The following ACTR3B variants were observed in gnomAD, a reference collection of about 807,000 sequenced individuals.
The protein encoded by ACTR3B is actin related protein 3B, also known as actin-related protein 3B.
A neutral mutation model predicts 59.0 loss-of-function variants in ACTR3B; 8 were observed. That is an observed-to-expected ratio of 0.14 (90% CI 0.08 to 0.24). ACTR3B has a LOEUF of 0.24. ACTR3B is among the 10% of genes least tolerant of loss of function. The pLI is 1.00. For missense variants in ACTR3B, 245 were observed against 552.3 expected (o/e 0.44, Z 5.58); for synonymous variants, 148 against 197.9 (o/e 0.75, Z 2.12).
intron 5 of ACTR3B, among the ~76,000 whole-genome samples, chr7:152,815,495 G>A (rs1364905223): frequency 2.2e-4 from 33 of 152,204 alleles, no homozygotes; most frequent in Non-Finnish European, 4.0e-4. Context: ...AAGTTTACCT[G>A]GAGAATGTTT....
At chr7:152,792,390 ATTTCT>A (rs2098199609) in intron 2 of ACTR3B, among the ~76,000 whole-genome samples, 2 of 150,988 alleles carry the variant, frequency 1.3e-5, no homozygotes, top group African/African-American at 4.9e-5. Context: ...TTCTTTTATC[ATTTCT>A]TTTCTCTTTA....
intron 4 of ACTR3B, among the ~76,000 whole-genome samples, chr7:152,804,807 G>C (rs2098247483): frequency 6.6e-6 from 1 of 152,170 alleles, no homozygotes; most frequent in African/African-American, 2.4e-5. Context: ...TATGGTGTGT[G>C]GAAGCACGCA....
intron 8 of ACTR3B, among the ~76,000 whole-genome samples, chr7:152,823,978 C>T (rs1490797809): frequency 6.6e-6 from 1 of 152,208 alleles, no homozygotes; most frequent in Non-Finnish European, 1.5e-5. Context: ...GGTAAAGCTT[C>T]TGTCTAAGGC....
chr7:152,767,858 G>C (rs1590194261), intron 1 of ACTR3B, among the ~76,000 whole-genome samples: 1 of 152,100 alleles, frequency 6.6e-6, no homozygotes, highest in South Asian at 2.1e-4. Context: ...ATAACGTGCT[G>C]CTTTACAGAA....
At chr7:152,793,851 G>T (rs1256916453) in intron 2 of ACTR3B, among the ~76,000 whole-genome samples, 10 of 150,956 alleles carry the variant, frequency 6.6e-5, no homozygotes, top group Admixed American at 2.0e-4. Flanking sequence ...GGGGAATGGG[G>T]ATACCACTTC....
chr7:152,780,947 C>T lies in ACTR3B; in HGVS notation c.45-2240C>T, dbSNP rs113305873. Among the ~76,000 whole-genome samples, 511 of 149,640 alleles carry T rather than the reference C, an allele frequency of 3.4e-3. 5 individuals are homozygous for T. The highest frequency in any genetic ancestry group is 0.012 in the African/African-American group (475 of 40,700). ...TGCAACCTCGAACTCCTGGGCTTAACGGGTCCTCTTGCCTCAGTCTATTAT... is the reference window on the plus strand; with the variant it reads ...TGCAACCTCGAACTCCTGGGCTTAATGGGTCCTCTTGCCTCAGTCTATTAT... On this transcript the variant is annotated intron_variant, in intron 1 of 11. Coordinates refer to ENST00000256001, the MANE Select transcript of ACTR3B (RefSeq NM_020445.6).
intron 11 of ACTR3B, among the ~76,000 whole-genome samples, chr7:152,853,885 T>G: frequency 6.6e-6 from 1 of 151,614 alleles, no homozygotes; most frequent in East Asian, 1.9e-4. Context: ...CCCGGCTCAT[T>G]TTTTTTTGTT....
intron 9 of ACTR3B, among the ~76,000 whole-genome samples, chr7:152,850,857 G>C (rs529003562): frequency 6.6e-6 from 1 of 152,372 alleles, no homozygotes; most frequent in South Asian, 2.1e-4. Context: ...ACTGGGAGGA[G>C]TGCCTGAAAG....
At chr7:152,783,414 C>A (rs1424095138) in intron 2 of ACTR3B, among the ~76,000 whole-genome samples, 172 bp downstream of exon 2, 7 of 152,146 alleles carry the variant, frequency 4.6e-5, no homozygotes, top group Admixed American at 6.5e-5. Context: ...GATAAAGCCC[C>A]TTGTCACTGT....
intron 9 of ACTR3B, among the ~76,000 whole-genome samples, chr7:152,826,625 C>T (rs1035132505): frequency 4.3e-4 from 66 of 152,244 alleles, no homozygotes; most frequent in Admixed American, 1.5e-3. Flanking sequence ...TGTGTCTCCT[C>T]ATCAGTGAAA....
intron 4 of ACTR3B, among the ~76,000 whole-genome samples, chr7:152,802,897 G>T (rs2098241076): frequency 6.6e-6 from 1 of 152,146 alleles, no homozygotes; most frequent in Non-Finnish European, 1.5e-5. Context: ...ACGAATATAT[G>T]TATTTAATGT....
intron 2 of ACTR3B, among the ~76,000 whole-genome samples, chr7:152,797,651 C>T (rs2098221957): frequency 1.3e-5 from 2 of 152,106 alleles, no homozygotes; most frequent in African/African-American, 2.4e-5. Context: ...ACTGTAGTTA[C>T]GTATTTTTTG....
At chr7:152,766,069 A>G (rs1297695701) in intron 1 of ACTR3B, among the ~76,000 whole-genome samples, 2 of 151,816 alleles carry the variant, frequency 1.3e-5, no homozygotes, top group African/African-American at 2.4e-5. Flanking sequence ...GAAGCTCTTC[A>G]TGTATTAAGG....
chr7:152,795,053 G>A (rs952393048), intron 2 of ACTR3B, among the ~76,000 whole-genome samples: 2 of 68,098 alleles, frequency 2.9e-5, no homozygotes, highest in African/African-American at 5.6e-5. Flanking sequence ...TTTTTTTTTT[G>A]AGATGGAGTC....
At chr7:152,797,304 C>G (rs2098220805) in intron 2 of ACTR3B, among the ~76,000 whole-genome samples, 2 of 152,080 alleles carry the variant, frequency 1.3e-5, no homozygotes, top group African/African-American at 4.8e-5. Flanking sequence ...TGTTCTGAAA[C>G]TCCTGAGCTC....
At chr7:152,850,561 C>T (rs538009639) in intron 9 of ACTR3B, among the ~76,000 whole-genome samples, 1 of 152,398 alleles carries the variant, frequency 6.6e-6, no homozygotes, top group African/African-American at 2.4e-5. Context: ...TGCCCCGTTT[C>T]ATTCTTCCTG....
chr7:152,810,266 C>T (rs1042415827), intron 4 of ACTR3B, among the ~76,000 whole-genome samples: 5 of 152,070 alleles, frequency 3.3e-5, no homozygotes, highest in African/African-American at 1.2e-4. Flanking sequence ...ACCACCACGC[C>T]CAGCTAATTT....
intron 2 of ACTR3B, among the ~76,000 whole-genome samples, chr7:152,787,925 A>G (rs2098179922): frequency 6.6e-6 from 1 of 151,366 alleles, no homozygotes; most frequent in African/African-American, 2.4e-5. Flanking sequence ...TATTATTATT[A>G]TTATTTTTAT....
At chr7:152,842,658 T>C (rs183299121) in intron 9 of ACTR3B, among the ~76,000 whole-genome samples, 45 of 152,340 alleles carry the variant, frequency 3.0e-4, no homozygotes, top group African/African-American at 9.9e-4. Flanking sequence ...AGCGAGCGGC[T>C]GTGCCACAAG....
Sources: gnomAD v4.1 joint callset for allele counts (sites outside exome capture counted in the v4.1 genomes callset) on GRCh38, gnomAD v4.1.1 for gene constraint, MANE v1.5 for transcripts, NCBI Gene and HGNC (gene_info 2026-07-23, HGNC 2026-07-21) for gene names.